The following RPS6KC1 variants were observed in gnomAD, a reference collection of about 807,000 sequenced individuals.
The protein encoded by RPS6KC1 is ribosomal protein S6 kinase C1.
RPS6KC1 carries 54 observed loss-of-function variants against 103.8 expected under a neutral mutation model. That is an observed-to-expected ratio of 0.52 (90% CI 0.42 to 0.65). The LOEUF (loss-of-function observed/expected upper bound fraction) is 0.65, where lower values mean the gene tolerates loss of function less well. Ranked by LOEUF, RPS6KC1 falls within the 30% of genes least tolerant of loss-of-function variation. RPS6KC1 has a pLI of 0.00. For missense variants in RPS6KC1, 1,151 were observed against 1,253.8 expected, an observed-to-expected ratio of 0.92 and a Z score of 1.24; for synonymous variants, 439 against 438.7, an observed-to-expected ratio of 1.00 and a Z score of -0.01.
downstream of RPS6KC1, chr1:213,274,805 A>G (rs1573769534): frequency 6.6e-6 from 1 of 152,146 alleles, no homozygotes; most frequent in Non-Finnish European, 1.5e-5. Context: ...TTATCGTAAA[A>G]TATACATAAC....
chr1:213,244,787 A>G (rs1316827645), intron 12 of RPS6KC1, among the ~76,000 whole-genome samples: 2 of 152,128 alleles, frequency 1.3e-5, no homozygotes, highest in East Asian at 3.8e-4. Flanking sequence ...GTGGCAGTCT[A>G]CCATTAATGG....
At position 213,070,988 on chromosome 1, in the gene RPS6KC1, A is replaced by G. The variant is rs79466500; in HGVS notation, c.106-18A>G. Reference sequence around the variant, plus strand: ...ATTTTGATAATGATTAGAGATTTCTATGTATGTTTTGTTTTAGGTTGTTTC... The same window carrying G: ...ATTTTGATAATGATTAGAGATTTCTGTGTATGTTTTGTTTTAGGTTGTTTC... On this transcript the variant is annotated intron_variant, in intron 1 of 14. Coordinates refer to ENST00000366960, the MANE Select transcript of RPS6KC1 (RefSeq NM_012424.6). 3.5e-4 allele frequency: 510 copies of G among 1,465,194 alleles called. 1 individual carries two copies. In the African/African-American group the frequency reaches 4.7e-3, roughly 13 times the overall value. The allele number at this position is 1,465,194 out of a possible 1,614,324, so 90.8% of individuals were successfully genotyped here.
chr1:213,086,971 G>T (rs1012305945), intron 3 of RPS6KC1, among the ~76,000 whole-genome samples: 164 of 151,836 alleles, frequency 1.1e-3, no homozygotes, highest in African/African-American at 3.8e-3. Flanking sequence ...TGGGTTTCTG[G>T]TCTTGACTAG....
chr1:213,671,676 C>T, the RPS6KC1 span, among the ~76,000 whole-genome samples: 7 of 152,056 alleles, frequency 4.6e-5, no homozygotes, highest in Non-Finnish European at 1.0e-4. Flanking sequence ...CCCAGCTACT[C>T]GGAAGACTAA....
At chr1:213,112,917 G>A (rs2083179766) in intron 4 of RPS6KC1, among the ~76,000 whole-genome samples, 1 of 152,190 alleles carries the variant, frequency 6.6e-6, no homozygotes, top group South Asian at 2.1e-4. Flanking sequence ...TGGCTGCATA[G>A]TATTCCATGG....
In RPS6KC1 at chr1:213,241,048, T is replaced by C. The variant is rs778922726; in HGVS notation, c.1572T>C (p.Ile524=). Residue 524 remains isoleucine, a synonymous_variant, in exon 11 of 15, where the codon ATT becomes ATC. Coordinates refer to ENST00000366960, the MANE Select transcript of RPS6KC1 (RefSeq NM_012424.6). The part of the protein sequence containing the change: ...TLCNEYGQEK[I]EPGSLNEEPF... ...GCAATGAATATGGGCAAGAAAAGATTGAACCAGGGTCTTTGAATGAGGAGC... is the reference window on the plus strand; with the variant it reads ...GCAATGAATATGGGCAAGAAAAGATCGAACCAGGGTCTTTGAATGAGGAGC... The C allele has an allele frequency of 3.7e-6, 6 of 1,613,474 alleles. No individual in the cohort carries two copies. The highest frequency in any genetic ancestry group is 5.1e-6 in the Non-Finnish European group (6 of 1,179,908).
the RPS6KC1 span, among the ~76,000 whole-genome samples, chr1:213,587,819 G>A: frequency 6.6e-6 from 1 of 152,194 alleles, no homozygotes; most frequent in Non-Finnish European, 1.5e-5. Context: ...ATCCCACTGA[G>A]TGTTATCTCC....
At chr1:213,640,401 A>G in the RPS6KC1 span, among the ~76,000 whole-genome samples, 1 of 148,758 alleles carries the variant, frequency 6.7e-6, no homozygotes, top group Non-Finnish European at 1.5e-5. Context: ...TTTCAGTTTC[A>G]TTGATTTATT....
At chr1:213,833,444 A>T in the RPS6KC1 span, among the ~76,000 whole-genome samples, 5 of 152,292 alleles carry the variant, frequency 3.3e-5, no homozygotes, top group African/African-American at 1.2e-4. Context: ...TGTTTGTGAA[A>T]CTGACATTAA....
intron 8 of RPS6KC1, among the ~76,000 whole-genome samples, chr1:213,225,029 G>A (rs547831642): frequency 6.6e-6 from 1 of 150,904 alleles, no homozygotes; most frequent in South Asian, 2.2e-4. Context: ...TGTTAAGAAT[G>A]GCTCTATAAA....
the RPS6KC1 span, among the ~76,000 whole-genome samples, chr1:213,829,536 T>C: frequency 1.3e-5 from 2 of 152,182 alleles, no homozygotes; most frequent in Non-Finnish European, 2.9e-5. Context: ...ACCAAGCATC[T>C]TACCAGAATT....
In RPS6KC1 at chr1:213,134,677, T is replaced by C. The variant is rs572633418; in HGVS notation, c.835+4788T>C. 5.2e-4 allele frequency among the ~76,000 whole-genome samples: 79 copies of C among 152,238 alleles called. 1 individual carries two copies. Among genetic ancestry groups the C allele is most frequent in the African/African-American group, 1.9e-3 (78 of 41,574 alleles). On this transcript the variant is annotated intron_variant, in intron 6 of 14. Coordinates refer to ENST00000366960, the MANE Select transcript of RPS6KC1 (RefSeq NM_012424.6). ...TTGGACCATTGATTTATTCCATGAATAAGAGTTACTCAAATATTTAGAAAC... is the reference window on the plus strand; with the variant it reads ...TTGGACCATTGATTTATTCCATGAACAAGAGTTACTCAAATATTTAGAAAC...
the RPS6KC1 span, among the ~76,000 whole-genome samples, chr1:213,834,883 C>A: frequency 6.6e-6 from 1 of 152,108 alleles, no homozygotes; most frequent in Non-Finnish European, 1.5e-5. Context: ...TTAGTGCTTA[C>A]GTAGGGCTGG....
At chr1:213,308,141 G>A in the RPS6KC1 span, among the ~76,000 whole-genome samples, 39 of 151,966 alleles carry the variant, frequency 2.6e-4, no homozygotes, top group African/African-American at 7.0e-4. Context: ...GTGAAACCCC[G>A]TCTCTACTTA....
At chr1:213,120,987 G>A (rs541752358) in intron 5 of RPS6KC1, among the ~76,000 whole-genome samples, 12 of 152,288 alleles carry the variant, frequency 7.9e-5, no homozygotes, top group African/African-American at 2.4e-4. Context: ...GGGTCTCACC[G>A]TGTTACCCAG....
intron 12 of RPS6KC1, among the ~76,000 whole-genome samples, chr1:213,258,027 G>C (rs932188875): frequency 4.0e-5 from 6 of 151,892 alleles, no homozygotes; most frequent in Non-Finnish European, 5.9e-5. Context: ...TGTTGCCCAG[G>C]CTGGAATGCC....
the RPS6KC1 span, among the ~76,000 whole-genome samples, chr1:213,322,911 C>CT: frequency 1.4e-4 from 5 of 36,672 alleles, no homozygotes; most frequent in African/African-American, 4.6e-4. Context: ...CCATGCCCAG[C>CT]TTTTTTTTTT....
intron 6 of RPS6KC1, among the ~76,000 whole-genome samples, chr1:213,163,678 T>C (rs1045844509): frequency 1.4e-5 from 2 of 146,928 alleles, no homozygotes; most frequent in African/African-American, 4.9e-5. Context: ...GCCTCTTGAT[T>C]TTTTTTTTTT....
chr1:213,607,406 G>A, the RPS6KC1 span, among the ~76,000 whole-genome samples: 1 of 152,166 alleles, frequency 6.6e-6, no homozygotes, highest in African/African-American at 2.4e-5. Context: ...GGAAATGAAG[G>A]CTCAGAATGG....
Sources: allele counts gnomAD v4.1 joint callset (sites outside exome capture counted in the v4.1 genomes callset), GRCh38; gene constraint gnomAD v4.1.1; transcripts MANE v1.5; gene names NCBI Gene and HGNC (gene_info 2026-07-23, HGNC 2026-07-21).